ATRNL1: variants seen among roughly 807,000 people sequenced by gnomAD.
ATRNL1 encodes the protein attractin-like protein 1.
ATRNL1 carries 95 observed loss-of-function variants against 182.7 expected under a neutral mutation model. That is an observed-to-expected ratio of 0.52 (90% confidence interval 0.44 to 0.62). The LOEUF (loss-of-function observed/expected upper bound fraction) is 0.62, where lower values mean the gene tolerates loss of function less well. Among genes scored for constraint, ATRNL1 ranks in the 20% least tolerant of loss-of-function variants. ATRNL1 has a pLI of 0.00. For missense variants in ATRNL1, 1,471 were observed against 1,679.5 expected, an observed-to-expected ratio of 0.88 and a Z score of 2.17; for synonymous variants, 576 against 568.3, an observed-to-expected ratio of 1.01 and a Z score of -0.19.
chr10:115,257,977 G>A (rs942969352), intron 10 of ATRNL1, among the ~76,000 whole-genome samples: 2 of 152,186 alleles, frequency 1.3e-5, no homozygotes, highest in Non-Finnish European at 2.9e-5. Flanking sequence ...CGAGAGATCT[G>A]CTGTTCGTTT....
chr10:115,097,878 C>T (rs1018673208), intron 1 of ATRNL1, among the ~76,000 whole-genome samples: 44 of 152,208 alleles, frequency 2.9e-4, no homozygotes, highest in African/African-American at 9.9e-4. Flanking sequence ...GAGCATAGGT[C>T]GCGCAACTGC....
chr10:115,224,249 T>TAATTTTCATACTGAA (rs1388601733), intron 9 of ATRNL1, among the ~76,000 whole-genome samples: 3 of 151,948 alleles, frequency 2.0e-5, no homozygotes, highest in Non-Finnish European at 4.4e-5. Flanking sequence ...AACCCTAGTA[T>TAATTTTCATACTGAA]AATTTTCATA....
At chr10:115,536,730 A>T (rs1375036511) in intron 25 of ATRNL1, among the ~76,000 whole-genome samples, 1 of 152,206 alleles carries the variant, frequency 6.6e-6, no homozygotes, top group Non-Finnish European at 1.5e-5. Flanking sequence ...TGCAGACCGG[A>T]GCTGTTCCTA....
At chr10:115,713,039 T>A (rs1947111380) in intron 26 of ATRNL1, among the ~76,000 whole-genome samples, 1 of 152,170 alleles carries the variant, frequency 6.6e-6, no homozygotes, top group African/African-American at 2.4e-5. Context: ...CATGCTTTTG[T>A]GACTAACTAG....
At chr10:115,503,198 A>C (rs1434487974) in intron 24 of ATRNL1, among the ~76,000 whole-genome samples, 1 of 152,192 alleles carries the variant, frequency 6.6e-6, no homozygotes, top group Non-Finnish European at 1.5e-5. Flanking sequence ...AATTAATTTT[A>C]GTTATTTTCC....
At chr10:115,536,381 C>T (rs1393986949) in intron 25 of ATRNL1, among the ~76,000 whole-genome samples, 4 of 152,168 alleles carry the variant, frequency 2.6e-5, no homozygotes, top group Non-Finnish European at 5.9e-5. Flanking sequence ...TGCTAGCAAT[C>T]AGTGAGACTC....
chr10:115,916,965 G>A (rs971693265), intron 28 of ATRNL1, among the ~76,000 whole-genome samples: 14 of 152,142 alleles, frequency 9.2e-5, no homozygotes, highest in South Asian at 6.2e-4. Context: ...TAGGCGTGGC[G>A]CAAAAAATTA....
chr10:115,378,752 G>A (rs1056779210), intron 19 of ATRNL1, among the ~76,000 whole-genome samples: 1 of 152,132 alleles, frequency 6.6e-6, no homozygotes, highest in African/African-American at 2.4e-5. Flanking sequence ...TTAAATTATA[G>A]GGTATTTGAA....
chr10:115,740,708 G>A (rs141467695), intron 27 of ATRNL1, among the ~76,000 whole-genome samples: 5,101 of 151,988 alleles, frequency 0.034, 267 homozygotes, highest in African/African-American at 0.11. Flanking sequence ...GATTCACCAT[G>A]TTGGCCAGGC....
At chr10:115,846,744 T>A (rs188621052) in intron 27 of ATRNL1, among the ~76,000 whole-genome samples, 19 of 152,226 alleles carry the variant, frequency 1.2e-4, no homozygotes, top group African/African-American at 3.8e-4. Context: ...TATGTGTACA[T>A]GTGTGGAGGT....
intron 27 of ATRNL1, among the ~76,000 whole-genome samples, chr10:115,813,470 T>C (rs540760481): frequency 1.7e-4 from 26 of 152,318 alleles, no homozygotes; most frequent in Non-Finnish European, 3.2e-4. Flanking sequence ...AATACTGTGC[T>C]GTTGTTTTTC....
intron 8 of ATRNL1, among the ~76,000 whole-genome samples, chr10:115,200,859 TC>T (rs1302333405): frequency 6.7e-6 from 1 of 149,006 alleles, no homozygotes; most frequent in Non-Finnish European, 1.5e-5. Context: ...GTAAAAGTGT[TC>T]CTATTTCTCC....
intron 26 of ATRNL1, among the ~76,000 whole-genome samples, chr10:115,630,866 ACACACACAT>A (rs1331121397): frequency 7.1e-6 from 1 of 140,332 alleles, no homozygotes; most frequent in Admixed American, 7.3e-5. Context: ...ACACACACAC[ACACACACAT>A]TGGAATTTTT....
intron 26 of ATRNL1, among the ~76,000 whole-genome samples, chr10:115,598,841 A>G (rs4498893): frequency 0.49 from 74,987 of 151,906 alleles, 19,435 homozygotes; most frequent in African/African-American, 0.6. Flanking sequence ...GTTGAGGTGT[A>G]TAAAGAAAAT....
At chr10:115,253,415 C>G (rs929647381) in intron 10 of ATRNL1, among the ~76,000 whole-genome samples, 32 of 152,082 alleles carry the variant, frequency 2.1e-4, no homozygotes, top group African/African-American at 7.5e-4. Context: ...TGTGAGGTAG[C>G]TTGCAACTGA....
At chr10:115,807,675 A>G (rs1372206347) in intron 27 of ATRNL1, among the ~76,000 whole-genome samples, 3 of 152,214 alleles carry the variant, frequency 2.0e-5, no homozygotes, top group South Asian at 4.1e-4. Context: ...TGTTCATTCT[A>G]CAATCAATAT....
At chr10:115,452,410 TTTAA>T (rs1462363341) in intron 21 of ATRNL1, among the ~76,000 whole-genome samples, 7 of 152,172 alleles carry the variant, frequency 4.6e-5, no homozygotes, top group African/African-American at 1.7e-4. Flanking sequence ...TATTTAGGTC[TTTAA>T]TTAGCTGAAA....
intron 19 of ATRNL1, among the ~76,000 whole-genome samples, chr10:115,340,471 CTTTTCTTTTT>C (rs1284283573): frequency 6.7e-5 from 6 of 89,590 alleles, no homozygotes; most frequent in South Asian, 3.9e-4. Context: ...CTTTTCTTTT[CTTTTCTTTTT>C]TTTTTTTTTT....
Position 115,093,842 on chromosome 10 carries a change from G to A in ATRNL1, c.92G>A (p.Gly31Asp), listed in dbSNP as rs2084939609. 3 of 1,535,068 alleles carry A rather than the reference G, an allele frequency of 2.0e-6. No homozygotes were observed. The East Asian group carries it at 7.8e-5, about 40-fold the overall frequency. The change falls in exon 1 of 29, where the codon GGC (glycine) becomes GAC (aspartate). Residue 31 changes from glycine (G) to aspartate (D), a missense_variant. Physicochemically the swap from Gly to Asp is moderately conservative, Grantham distance 94 (BLOSUM62 -1). Transcript: ENST00000355044. This position sits in a 1 kb window ranked among gnomAD's most constrained non-coding sequence, Gnocchi z 6.1. The stretch of plus-strand genomic sequence containing the variant: ...CGGCCGGCGGGCGGCGGCGGCGGGG[G>A]CGCCTCCTCCTGGCTGCTGGACGGG... ...RARPAGGGGG[G>D]ASSWLLDGNS...
Sources: gnomAD v4.1 joint callset for allele counts (sites outside exome capture counted in the v4.1 genomes callset) on GRCh38, gnomAD v4.1.1 for gene constraint, Gnocchi (gnomAD v3.1) non-coding constraint, MANE v1.5 for transcripts, NCBI Gene and HGNC (gene_info 2026-07-23, HGNC 2026-07-21) for gene names.